Variants in NR6A1 observed in about 807,000 individuals in gnomAD.
NR6A1 encodes the protein nuclear receptor subfamily 6 group A member 1, also known as retinoic acid receptor-related testis-associated receptor.
In NR6A1, 7 loss-of-function variants were observed where a neutral mutation model predicts 59.1. The observed-to-expected ratio is 0.12, with a 90% CI of 0.07 to 0.22. The LOEUF (loss-of-function observed/expected upper bound fraction) is 0.22. NR6A1 is among the 10% of genes least tolerant of loss of function. The probability of loss-of-function intolerance (pLI) is 1.00; values close to 1 mark genes in which losing one functional copy is unlikely to be tolerated. For synonymous variants in NR6A1, 243 were observed against 236.1 expected, an observed-to-expected ratio of 1.03 and a Z score of -0.27; for missense variants, 468 against 611.6, an observed-to-expected ratio of 0.77 and a Z score of 2.48.
chr9:124,735,003 C>T (rs889293330), intron 1 of NR6A1, among the ~76,000 whole-genome samples: 6 of 152,152 alleles, frequency 3.9e-5, no homozygotes, highest in Non-Finnish European at 7.4e-5. Flanking sequence ...TGCCACCATG[C>T]CCAGCTAATT....
chr9:124,646,450 C>A (rs574392825), intron 2 of NR6A1, among the ~76,000 whole-genome samples: 8 of 151,942 alleles, frequency 5.3e-5, no homozygotes, highest in East Asian at 3.9e-4. Flanking sequence ...CAATAAAGCT[C>A]AAAAAAATGA....
At chr9:124,680,522 G>A (rs1478284363) in intron 2 of NR6A1, among the ~76,000 whole-genome samples, 2 of 152,062 alleles carry the variant, frequency 1.3e-5, no homozygotes, top group Non-Finnish European at 2.9e-5. Context: ...AAATGAAGTC[G>A]CTAAATATTT....
chr9:124,522,516 T>C lies in NR6A1; in HGVS notation c.*189A>G, dbSNP rs1056062392. On this transcript the variant is annotated 3_prime_UTR_variant, in exon 10 of 10. Transcript: ENST00000487099. Reference sequence around the variant, plus strand: ...GTTGAAGGCCATACATTCAACTCTGTCGTGAAATAAATATATAGAAAAATG... The same window carrying C: ...GTTGAAGGCCATACATTCAACTCTGCCGTGAAATAAATATATAGAAAAATG... 1.3e-5 allele frequency: 6 copies of C among 460,302 alleles called. No homozygotes were observed. The highest frequency in any genetic ancestry group is 2.4e-5 in the Non-Finnish European group (6 of 249,886). The allele number at this position is 460,302 out of a possible 1,614,324, so 28.5% of individuals were successfully genotyped here.
At chr9:124,547,271 A>T (rs1410517317) in intron 3 of NR6A1, among the ~76,000 whole-genome samples, 1 of 152,120 alleles carries the variant, frequency 6.6e-6, no homozygotes, top group East Asian at 1.9e-4. Flanking sequence ...AGAAACCATA[A>T]ATAACAAAGC....
intron 2 of NR6A1, among the ~76,000 whole-genome samples, chr9:124,654,000 A>C (rs1837176641): frequency 1.3e-5 from 2 of 152,252 alleles, no homozygotes; most frequent in South Asian, 4.1e-4. Context: ...ACAGAGAATC[A>C]GGCTGCAAAA....
intron 2 of NR6A1, among the ~76,000 whole-genome samples, chr9:124,694,236 T>C (rs1838666138): frequency 6.6e-6 from 1 of 152,192 alleles, no homozygotes; most frequent in Non-Finnish European, 1.5e-5. Context: ...TTTATATCCT[T>C]GAAGACCTTT....
chr9:124,553,299 T>C (rs996549642), intron 3 of NR6A1, among the ~76,000 whole-genome samples: 1 of 152,206 alleles, frequency 6.6e-6, no homozygotes, highest in Non-Finnish European at 1.5e-5. Context: ...AAGCTCTCTC[T>C]GTGGGTGATT....
intron 2 of NR6A1, among the ~76,000 whole-genome samples, chr9:124,707,666 G>A (rs1269521327): frequency 6.6e-6 from 1 of 151,190 alleles, no homozygotes; most frequent in African/African-American, 2.5e-5. Context: ...GTGATGATGA[G>A]TTGTTTTTTG....
intron 2 of NR6A1, among the ~76,000 whole-genome samples, chr9:124,628,734 G>A (rs1036384092): frequency 2.0e-5 from 3 of 151,598 alleles, no homozygotes; most frequent in Non-Finnish European, 2.9e-5. Context: ...TCCGCCTCCC[G>A]GGTTCAAGCA....
At chr9:124,562,944 T>G (rs144156372) in intron 2 of NR6A1, among the ~76,000 whole-genome samples, 24 of 152,264 alleles carry the variant, frequency 1.6e-4, no homozygotes, top group African/African-American at 5.8e-4. Flanking sequence ...ATAAAGAGAT[T>G]TATAAAGGAA....
intron 2 of NR6A1, among the ~76,000 whole-genome samples, chr9:124,576,352 A>G (rs924458780): frequency 6.6e-6 from 1 of 152,106 alleles, no homozygotes; most frequent in Non-Finnish European, 1.5e-5. Flanking sequence ...CAGTGGCACA[A>G]TCTCGGCTCA....
intron 2 of NR6A1, among the ~76,000 whole-genome samples, chr9:124,732,576 T>C (rs993888675): frequency 1.3e-5 from 2 of 152,218 alleles, no homozygotes; most frequent in Non-Finnish European, 2.9e-5. Context: ...CTACAAAGGT[T>C]ATCAATTATA....
chr9:124,583,291 GGACAGAT>G (rs1384646803), intron 2 of NR6A1, among the ~76,000 whole-genome samples: 2 of 152,114 alleles, frequency 1.3e-5, no homozygotes, highest in African/African-American at 2.4e-5. Flanking sequence ...CTCCCCTAGA[GGACAGAT>G]GACTCCTTCA....
intron 2 of NR6A1, among the ~76,000 whole-genome samples, chr9:124,648,715 A>G (rs1837008644): frequency 6.6e-6 from 1 of 152,156 alleles, no homozygotes; most frequent in South Asian, 2.1e-4. Context: ...GCTAAAAAAA[A>G]AAAAGGCATT....
intron 2 of NR6A1, among the ~76,000 whole-genome samples, chr9:124,618,299 TAA>T (rs1564203674): frequency 1.6e-4 from 25 of 152,034 alleles, no homozygotes; most frequent in Admixed American, 2.6e-4. Context: ...CTGGACAACA[TAA>T]TGAAACCCCA....
chr9:124,577,417 A>G (rs1374989459), intron 2 of NR6A1, among the ~76,000 whole-genome samples: 3 of 152,222 alleles, frequency 2.0e-5, no homozygotes, highest in Non-Finnish European at 4.4e-5. Flanking sequence ...TTTTTCACTG[A>G]TAAGAGTATT....
Position 124,701,045 on chromosome 9 carries a change from GCCA to G in NR6A1, c.142+32260_142+32262del, listed in dbSNP as rs567099291. ...CAAAGTGCTGAGATTACAGGCATGA[GCCA>G]CCACACCTGGCCTACATACAGTCTT... On this transcript the variant is annotated intron_variant, in intron 2 of 9. Transcript: ENST00000487099. Among the ~76,000 whole-genome samples, 426 of 152,298 alleles carry G rather than the reference GCCA, an allele frequency of 2.8e-3. 1 individual carries two copies. Among genetic ancestry groups the G allele is most frequent in the Non-Finnish European group, 3.8e-3 (261 of 68,030 alleles).
intron 2 of NR6A1, among the ~76,000 whole-genome samples, chr9:124,725,559 G>T (rs1016116707): frequency 1.3e-5 from 2 of 152,182 alleles, no homozygotes; most frequent in Non-Finnish European, 2.9e-5. Flanking sequence ...ATAAGGGAGT[G>T]TGAGCAGGCT....
At chr9:124,732,095 A>AT (rs1381028583) in intron 2 of NR6A1, among the ~76,000 whole-genome samples, 1 of 152,212 alleles carries the variant, frequency 6.6e-6, no homozygotes. Context: ...CTAAAAATTA[A>AT]TAAGTATTAG....
Sources: allele counts gnomAD v4.1 joint callset (sites outside exome capture counted in the v4.1 genomes callset), GRCh38; gene constraint gnomAD v4.1.1; transcripts MANE v1.5; gene names NCBI Gene and HGNC (gene_info 2026-07-23, HGNC 2026-07-21).